The following PLB1 variants were observed in gnomAD, a reference collection of about 807,000 sequenced individuals.
The protein encoded by PLB1 is phospholipase B1, membrane-associated.
Under a neutral mutation model 227.4 loss-of-function variants are expected in PLB1, and 242 were observed. The ratio of observed to expected loss-of-function variants is 1.06; its 90% CI spans 0.96 to 1.18. The LOEUF (loss-of-function observed/expected upper bound fraction) is 1.18, where lower values mean the gene tolerates loss of function less well. Among genes scored for constraint, PLB1 ranks in the 50% most tolerant of loss-of-function variants. PLB1 has a pLI of 0.00. For missense variants in PLB1, 1,858 were observed against 1,816.3 expected (o/e 1.02, Z -0.42); for synonymous variants, 757 against 682.2 (o/e 1.11, Z -1.71).
intron 49 of PLB1, among the ~76,000 whole-genome samples, chr2:28,622,212 T>C (rs1029715678): frequency 6.6e-6 from 1 of 152,230 alleles, no homozygotes; most frequent in African/African-American, 2.4e-5. Context: ...AAGAGAAACA[T>C]ACAAACCATA....
At chr2:28,522,729 T>G (rs1442782183) in intron 4 of PLB1, among the ~76,000 whole-genome samples, 1 of 152,158 alleles carries the variant, frequency 6.6e-6, no homozygotes, top group Non-Finnish European at 1.5e-5. Context: ...CCCCCCCTTC[T>G]CAGGAACACG....
intron 3 of PLB1, among the ~76,000 whole-genome samples, chr2:28,519,115 A>G (rs1043174823): frequency 2.0e-5 from 3 of 152,256 alleles, no homozygotes; most frequent in Non-Finnish European, 4.4e-5. Context: ...TAAATGATCT[A>G]TAACGTGACC....
chr2:28,583,031 T>TC (rs989404850), intron 25 of PLB1, among the ~76,000 whole-genome samples: 2 of 151,948 alleles, frequency 1.3e-5, no homozygotes, highest in Non-Finnish European at 2.9e-5. Flanking sequence ...GACAGAGTCC[T>TC]CCCCAGAGAG....
In PLB1 at chr2:28,617,707, C is replaced by G. The variant is rs757642438; in HGVS notation, c.3196-20C>G. The G allele has an allele frequency of 3.7e-6, 6 of 1,613,350 alleles. No individual in the cohort carries two copies. Among genetic ancestry groups the G allele is most frequent in the Non-Finnish European group, 5.1e-6 (6 of 1,179,278 alleles). Reference sequence around the variant, plus strand: ...GCACAATGAGTGTTGGGCACTGAATCTTTTCTCCTGTTGATTTAGAACTGG... The same window carrying G: ...GCACAATGAGTGTTGGGCACTGAATGTTTTCTCCTGTTGATTTAGAACTGG... On this transcript the variant is annotated intron_variant, in intron 44 of 57. Coordinates refer to ENST00000327757, the MANE Select transcript of PLB1 (RefSeq NM_153021.5).
At chr2:28,619,189 C>T (rs1395037424) in intron 46 of PLB1, among the ~76,000 whole-genome samples, 17 of 152,198 alleles carry the variant, frequency 1.1e-4, no homozygotes, top group Admixed American at 3.9e-4. Flanking sequence ...GATCCTCTCC[C>T]TCCTCACACC....
intron 32 of PLB1, among the ~76,000 whole-genome samples, chr2:28,593,237 C>G (rs1438945927): frequency 6.6e-6 from 1 of 152,144 alleles, no homozygotes; most frequent in South Asian, 2.1e-4. Context: ...TACAGAATGC[C>G]CCAGAGGGAA....
chr2:28,598,490 T>C (rs116631337), intron 34 of PLB1, among the ~76,000 whole-genome samples, 162 bp from the exon 35 acceptor site: 7,289 of 152,148 alleles, frequency 0.048, 566 homozygotes, highest in African/African-American at 0.16. Flanking sequence ...CTTAGGGTGG[T>C]CCCAGCTTAT....
intron 7 of PLB1, 32 bp downstream of exon 7, chr2:28,529,439 A>T (rs769872513): frequency 6.6e-7 from 1 of 1,513,432 alleles, no homozygotes; most frequent in South Asian, 1.1e-5. Context: ...CTCTGAGGTT[A>T]TGTGTTCCTA....
At chr2:28,617,822 G>C in intron 45 of PLB1, 35 bp downstream of exon 45, 4 of 1,595,700 alleles carry the variant, frequency 2.5e-6, no homozygotes, top group Non-Finnish European at 3.4e-6. Context: ...TTCAATTAAG[G>C]GCCTTGCCGA....
In PLB1 at chr2:28,602,901, G is replaced by A; in HGVS notation, c.2754G>A (p.Lys918=). 1 of 1,614,166 alleles carries A rather than the reference G, an allele frequency of 6.2e-7. No homozygotes were observed. The highest frequency in any genetic ancestry group is 2.2e-5 in the East Asian group (1 of 44,886). ...AGGTGTTCCTGGGAAACCCAGACAA[G>A]TGCCCAGTGCAGCAGGCCAGGTAGG... is the stretch of plus-strand genomic sequence containing the variant. ...MRQVFLGNPD[K]CPVQQASVLC... The change falls in exon 39 of 58, where the codon AAG becomes AAA. Residue 918 remains lysine (K), a synonymous_variant. Transcript: ENST00000327757.
intron 56 of PLB1, among the ~76,000 whole-genome samples, chr2:28,633,776 T>C (rs1688977396): frequency 6.6e-6 from 1 of 152,262 alleles, no homozygotes. Flanking sequence ...CTGGATCCTC[T>C]TGCACGGAGC....
chr2:28,579,270 T>A (rs1183963731), intron 22 of PLB1, among the ~76,000 whole-genome samples: 1 of 152,214 alleles, frequency 6.6e-6, no homozygotes, highest in Non-Finnish European at 1.5e-5. Context: ...CAAACATTCC[T>A]TTCCCATGGC....
chr2:28,571,573 C>CAT (rs3041260), intron 20 of PLB1, among the ~76,000 whole-genome samples: 120,678 of 151,924 alleles, frequency 0.79, 48,327 homozygotes, highest in Admixed American at 0.85. Context: ...GTAATCAAGA[C>CAT]GTGGTACTAG....
chr2:28,626,514 C>A lies in PLB1; in HGVS notation c.3660+6C>A, dbSNP rs747953340. ...GTCATTACTGTGAGAATCCGGTAGG[C>A]CCCCGACCAACCCCATGGGGACCTG... On this transcript the variant is annotated splice_donor_region_variant and intron_variant, in intron 51 of 57. Transcript: ENST00000327757. 1.2e-6 allele frequency: 2 copies of A among 1,612,424 alleles called. No individual in the cohort carries two copies. Among genetic ancestry groups the A allele is most frequent in the Admixed American group, 1.7e-5 (1 of 60,002 alleles).
In PLB1 at chr2:28,622,942, C is replaced by T. The variant is rs574067822; in HGVS notation, c.3527+1964C>T. ...AGATACAAAGGAATCAAAAGATGAACTCCCTGGCCACGAAGAGCTTGCACT... is the reference window on the plus strand; with the variant it reads ...AGATACAAAGGAATCAAAAGATGAATTCCCTGGCCACGAAGAGCTTGCACT... On this transcript the variant is annotated intron_variant, in intron 49 of 57. Coordinates refer to ENST00000327757, the MANE Select transcript of PLB1 (RefSeq NM_153021.5). Among the ~76,000 whole-genome samples the T allele has an allele frequency of 7.9e-5, 12 of 152,260 alleles. No individual in the cohort carries two copies. In the South Asian group the frequency reaches 2.5e-3, roughly 32 times the overall value.
chr2:28,642,084 A>G (rs529663054), intron 57 of PLB1, among the ~76,000 whole-genome samples: 1 of 152,064 alleles, frequency 6.6e-6, no homozygotes, highest in Non-Finnish European at 1.5e-5. Context: ...CCAGGTCCAG[A>G]TGTTGCCTTT....
chr2:28,569,981 AAAG>A (rs1364630487), intron 20 of PLB1, among the ~76,000 whole-genome samples: 10,494 of 53,794 alleles, frequency 0.2, 947 homozygotes, highest in Non-Finnish European at 0.42. Context: ...AAAAAAAAAG[AAAG>A]AAAAAAGAAA....
chr2:28,540,973 C>T (rs1312422830), intron 12 of PLB1, among the ~76,000 whole-genome samples: 2 of 152,054 alleles, frequency 1.3e-5, no homozygotes, highest in African/African-American at 4.8e-5. Context: ...GAGTTCAAGA[C>T]CAGTCTGGGC....
At chr2:28,642,808 T>G in intron 57 of PLB1, 50 bp from the exon 58 acceptor site, 1 of 1,481,360 alleles carries the variant, frequency 6.8e-7, no homozygotes, top group Non-Finnish European at 9.2e-7. Flanking sequence ...GGCTTGGTGA[T>G]GGATGGTTCA....
Sources: gnomAD v4.1 joint callset for allele counts (sites outside exome capture counted in the v4.1 genomes callset) on GRCh38, gnomAD v4.1.1 for gene constraint, MANE v1.5 for transcripts, NCBI Gene and HGNC (gene_info 2026-07-23, HGNC 2026-07-21) for gene names.